The following RGS18 variants were observed in gnomAD, a reference collection of about 807,000 sequenced individuals.
RGS18 encodes regulator of G-protein signaling 18.
In RGS18, 22 loss-of-function variants were observed where a neutral mutation model predicts 27.6. The observed-to-expected ratio is 0.80, with a 90% CI of 0.57 to 1.14. The LOEUF (loss-of-function observed/expected upper bound fraction) is 1.14. Ranked by LOEUF, RGS18 falls within the 50% of genes most tolerant of loss-of-function variation. The pLI is 0.00. For missense variants in RGS18, 299 were observed against 269.6 expected, an observed-to-expected ratio of 1.11 and a Z score of -0.76; for synonymous variants, 89 against 84.6, an observed-to-expected ratio of 1.05 and a Z score of -0.29.
At chr1:192,172,430 C>G (rs1656276200) in intron 3 of RGS18, among the ~76,000 whole-genome samples, 1 of 151,990 alleles carries the variant, frequency 6.6e-6, no homozygotes, top group Admixed American at 6.6e-5. Context: ...CAGCACAAAA[C>G]CCTCACCAGA....
chr1:192,163,031 T>G (rs1656100678), intron 3 of RGS18, among the ~76,000 whole-genome samples: 1 of 152,192 alleles, frequency 6.6e-6, no homozygotes, highest in Non-Finnish European at 1.5e-5. Flanking sequence ...CGAGTTTTAG[T>G]TTTCTCCTAA....
At chr1:192,165,980 T>G (rs1419866202) in intron 3 of RGS18, among the ~76,000 whole-genome samples, 1 of 152,202 alleles carries the variant, frequency 6.6e-6, no homozygotes, top group Non-Finnish European at 1.5e-5. Flanking sequence ...AAATGAAATA[T>G]CAAACTATAT....
chr1:192,164,800 T>C (rs1182190618), intron 3 of RGS18, among the ~76,000 whole-genome samples: 1 of 152,194 alleles, frequency 6.6e-6, no homozygotes, highest in South Asian at 2.1e-4. Context: ...TTTCCTATGC[T>C]TGACTTTACT....
Position 192,159,291 on chromosome 1 carries a change from G to C in RGS18, c.191G>C (p.Ser64Thr), listed in dbSNP as rs758365296. 1 of 1,613,286 alleles carries C rather than the reference G, an allele frequency of 6.2e-7. No homozygotes were observed. Reference protein sequence around the residue: ...KPEFHEDTRSSRSGHLAKETR... With the variant: ...KPEFHEDTRSTRSGHLAKETR... Reference sequence around the variant, plus strand: ...GAGTTTCATGAAGACACCCGCTCCAGTAGATCTGGGCACTTGGCCAAAGAA... The same window carrying C: ...GAGTTTCATGAAGACACCCGCTCCACTAGATCTGGGCACTTGGCCAAAGAA... The change falls in exon 2 of 5, where the codon AGT (serine) becomes ACT (threonine). Residue 64 changes from serine to threonine, a missense_variant. Coordinates refer to ENST00000367460, the MANE Select transcript of RGS18 (RefSeq NM_130782.3).
chr1:192,162,582 C>G (rs1398740008), intron 3 of RGS18, among the ~76,000 whole-genome samples: 1 of 152,122 alleles, frequency 6.6e-6, no homozygotes, highest in Admixed American at 6.5e-5. Context: ...CATGCCCAGC[C>G]CCAGTATACA....
chr1:192,183,977 CAG>C (rs1656498657), intron 4 of RGS18, among the ~76,000 whole-genome samples: 1 of 151,496 alleles, frequency 6.6e-6, no homozygotes, highest in Non-Finnish European at 1.5e-5. Context: ...AAGAGAGAGA[CAG>C]AGTGAGGTGT....
chr1:192,165,820 T>TTAA (rs1419104656), intron 3 of RGS18, among the ~76,000 whole-genome samples: 1 of 152,228 alleles, frequency 6.6e-6, no homozygotes, highest in Non-Finnish European at 1.5e-5. Flanking sequence ...TCAATGGAGT[T>TTAA]ATTAGTCTAT....
chr1:192,184,836 TGTAGA>T lies in RGS18; in HGVS notation c.*285_*289del. 1 of 298,558 alleles carries T rather than the reference TGTAGA, an allele frequency of 3.3e-6. No individual in the cohort carries two copies. Among genetic ancestry groups the T allele is most frequent in the Non-Finnish European group, 6.2e-6 (1 of 160,224 alleles). The allele number at this position is 298,558 out of a possible 1,614,324, so 18.5% of individuals were successfully genotyped here. A position where few individuals can be genotyped will look rare whatever the true frequency, so the allele number is the denominator to read the frequency against. ...AAAAAGTAATAATGTTTTATAAGAT[TGTAGA>T]GTTAAGTAAAAGTTAAGCTTTTGCA... On this transcript the variant is annotated 3_prime_UTR_variant, in exon 5 of 5. Coordinates refer to ENST00000367460, the MANE Select transcript of RGS18 (RefSeq NM_130782.3).
At chr1:192,160,076 A>G (rs954157338) in intron 2 of RGS18, among the ~76,000 whole-genome samples, 1 of 152,018 alleles carries the variant, frequency 6.6e-6, no homozygotes, top group Non-Finnish European at 1.5e-5. Context: ...TGATTTCTTT[A>G]TATTTGTTAT....
In RGS18 at chr1:192,159,274, T is replaced by A. The variant is rs1293411394; in HGVS notation, c.174T>A (p.His58Gln). The A allele has an allele frequency of 1.2e-6, 2 of 1,613,832 alleles. No individual in the cohort carries two copies. The highest frequency in any genetic ancestry group is 1.7e-5 in the Admixed American group (1 of 60,028). The change falls in exon 2 of 5, where the codon CAT becomes CAA. Residue 58 changes from histidine (H) to glutamine (Q), a missense_variant. By Grantham distance (24) the His-to-Gln change is conservative. Coordinates refer to ENST00000367460, the MANE Select transcript of RGS18 (RefSeq NM_130782.3). ...LSLLVQKPEF[H>Q]EDTRSSRSGH... is the part of the protein sequence containing the mutation. Reference sequence around the variant, plus strand: ...TTCTTGTGCAGAAACCTGAGTTTCATGAAGACACCCGCTCCAGTAGATCTG... The same window carrying A: ...TTCTTGTGCAGAAACCTGAGTTTCAAGAAGACACCCGCTCCAGTAGATCTG...
At chr1:192,178,662 C>G (rs1002812948) in intron 3 of RGS18, among the ~76,000 whole-genome samples, 2 of 151,380 alleles carry the variant, frequency 1.3e-5, no homozygotes, top group African/African-American at 4.8e-5. Flanking sequence ...TGAATGGAAA[C>G]CACATTTTTG....
At position 192,184,808 on chromosome 1, in the gene RGS18, C is replaced by A. The variant is rs960420536; in HGVS notation, c.*254C>A. On this transcript the variant is annotated 3_prime_UTR_variant, in exon 5 of 5. Transcript: ENST00000367460. ...CTTATTTCTTAATCAAAAGGCAGTA[C>A]AAAAAAAGTAATAATGTTTTATAAG... The A allele has an allele frequency of 8.0e-6, 3 of 376,330 alleles. No homozygotes were observed. Among genetic ancestry groups the A allele is most frequent in the Non-Finnish European group, 1.4e-5 (3 of 208,742 alleles). The allele number at this position is 376,330 out of a possible 1,614,324, so 23.3% of individuals were successfully genotyped here. A position where few individuals can be genotyped will look rare whatever the true frequency, so the allele number is the denominator to read the frequency against.
chr1:192,184,718 T>C lies in RGS18; in HGVS notation c.*164T>C, dbSNP rs1473352931. Reference sequence around the variant, plus strand: ...CTTTCTGCTAACAAAATACATACAGTATCTGCCAGTATATTCTGTAAAACC... The same window carrying C: ...CTTTCTGCTAACAAAATACATACAGCATCTGCCAGTATATTCTGTAAAACC... On this transcript the variant is annotated 3_prime_UTR_variant, in exon 5 of 5. Transcript: ENST00000367460. 4.9e-6 allele frequency: 3 copies of C among 616,166 alleles called. No individual in the cohort carries two copies. Among genetic ancestry groups the C allele is most frequent in the Non-Finnish European group, 5.6e-6 (2 of 354,782 alleles). 38.2% of individuals were successfully genotyped at this position (616,166 alleles called of 1,614,324 possible).
At chr1:192,174,574 T>C (rs1656324518) in intron 3 of RGS18, among the ~76,000 whole-genome samples, 1 of 151,942 alleles carries the variant, frequency 6.6e-6, no homozygotes, top group African/African-American at 2.4e-5. Context: ...GTTTGCTTCA[T>C]GTATTTTGAA....
chr1:192,168,680 T>C (rs899578162), intron 3 of RGS18: 2 of 152,220 alleles, frequency 1.3e-5, no homozygotes, highest in African/African-American at 4.8e-5. Flanking sequence ...AGTCACTCTT[T>C]TAATTGTGCT....
At chr1:192,169,894 G>A (rs1402427088) in intron 3 of RGS18, 2 of 152,130 alleles carry the variant, frequency 1.3e-5, no homozygotes, top group African/African-American at 2.4e-5. Context: ...CTGCTTTTTA[G>A]AGTTAAGTCT....
At chr1:192,170,916 A>G (rs1349922488) in intron 3 of RGS18, among the ~76,000 whole-genome samples, 1 of 152,126 alleles carries the variant, frequency 6.6e-6, no homozygotes, top group Admixed American at 6.6e-5. Flanking sequence ...CTGCTTTTAT[A>G]CAAGTCCAAG....
At chr1:192,177,952 G>A (rs923244981) in intron 3 of RGS18, among the ~76,000 whole-genome samples, 1 of 151,636 alleles carries the variant, frequency 6.6e-6, no homozygotes, top group African/African-American at 2.4e-5. Flanking sequence ...GTGGATAATA[G>A]TCTTGGAGGA....
intron 3 of RGS18, among the ~76,000 whole-genome samples, chr1:192,176,529 T>C (rs1197522326): frequency 1.3e-5 from 2 of 151,810 alleles, no homozygotes; most frequent in East Asian, 3.9e-4. Flanking sequence ...TATAGTTATT[T>C]GTGGTAGGAG....
Sources: gnomAD v4.1 joint callset for allele counts (sites outside exome capture counted in the v4.1 genomes callset) on GRCh38, gnomAD v4.1.1 for gene constraint, MANE v1.5 for transcripts, NCBI Gene and HGNC (gene_info 2026-07-23, HGNC 2026-07-21) for gene names.